Variants in TENM2 observed in about 807,000 individuals in gnomAD.
TENM2 encodes teneurin-2.
TENM2 carries 52 observed loss-of-function variants against 245.2 expected under a neutral mutation model. The observed-to-expected ratio is 0.21, with a 90% CI of 0.17 to 0.27. The LOEUF (loss-of-function observed/expected upper bound fraction) is 0.27. Ranked by LOEUF, TENM2 falls within the 10% of genes least tolerant of loss-of-function variation. The pLI is 1.00. For missense variants in TENM2, 3,046 were observed against 3,666.8 expected, an observed-to-expected ratio of 0.83 and a Z score of 4.37; for synonymous variants, 1,363 against 1,438.9, an observed-to-expected ratio of 0.95 and a Z score of 1.19.
At chr5:167,841,142 C>T (rs544047028) in intron 2 of TENM2, among the ~76,000 whole-genome samples, 1 of 152,132 alleles carries the variant, frequency 6.6e-6, no homozygotes, top group Admixed American at 6.5e-5. Flanking sequence ...CTGCAACCTC[C>T]ATCTCCCAGG....
chr5:167,969,789 C>T (rs1781639136), intron 4 of TENM2, among the ~76,000 whole-genome samples: 1 of 152,160 alleles, frequency 6.6e-6, no homozygotes, highest in South Asian at 2.1e-4. Context: ...AACAACACTC[C>T]CTTGATTGAG....
intron 2 of TENM2, among the ~76,000 whole-genome samples, chr5:167,859,593 C>G (rs1771508634): frequency 8.9e-6 from 1 of 112,642 alleles, no homozygotes; most frequent in Admixed American, 7.9e-5. Context: ...GCCGCCCCGT[C>G]CGGGAGGGAG....
At chr5:167,691,348 A>AAAATAAGACCTGGAAC in intron 2 of TENM2, among the ~76,000 whole-genome samples, 1 of 152,172 alleles carries the variant, frequency 6.6e-6, no homozygotes, top group Admixed American at 6.5e-5. Flanking sequence ...TGAGTAGAAA[A>AAAATAAGACCTGGAAC]AAATAAGACC....
intron 2 of TENM2, among the ~76,000 whole-genome samples, chr5:167,731,428 G>C (rs1404940683): frequency 6.6e-6 from 1 of 151,972 alleles, no homozygotes; most frequent in East Asian, 1.9e-4. Flanking sequence ...ATCTAAACCA[G>C]GTCATTCTTT....
chr5:167,169,891 T>C, the TENM2 span, among the ~76,000 whole-genome samples: 1 of 152,190 alleles, frequency 6.6e-6, no homozygotes, highest in Non-Finnish European at 1.5e-5. Context: ...AAGTGATTTA[T>C]ATGTATCTGA....
intron 1 of TENM2, among the ~76,000 whole-genome samples, chr5:167,359,016 C>T (rs755234763): frequency 3.9e-5 from 6 of 152,144 alleles, no homozygotes; most frequent in African/African-American, 7.2e-5. Context: ...TCCATCCGGA[C>T]GGGCTGTAAT....
chr5:167,279,573 C>G, the TENM2 span, among the ~76,000 whole-genome samples: 1 of 137,152 alleles, frequency 7.3e-6, no homozygotes, highest in East Asian at 2.1e-4. Flanking sequence ...TTCCTTCTTT[C>G]TTCTGTTGTA....
At chr5:167,248,424 C>T in the TENM2 span, among the ~76,000 whole-genome samples, 1 of 152,142 alleles carries the variant, frequency 6.6e-6, no homozygotes, top group East Asian at 1.9e-4. Flanking sequence ...ACACAGATTG[C>T]AGGCCCCGCC....
Position 167,801,110 on chromosome 5 carries a change from ATATATATAT to A in TENM2, c.503-74875_503-74867del, listed in dbSNP as rs1375995508. Among the ~76,000 whole-genome samples, 449 of 62,456 alleles carry A rather than the reference ATATATATAT, an allele frequency of 7.2e-3. 1 individual carries two copies. Among genetic ancestry groups the A allele is most frequent in the East Asian group, 0.02 (34 of 1,662 alleles). 41.0% of individuals were successfully genotyped at this position (62,456 alleles called of 152,430 possible). On this transcript the variant is annotated intron_variant, in intron 2 of 28. Coordinates refer to ENST00000518659, the Ensembl canonical transcript of TENM2. ...TATTTGAAAAGAAAAAAAAAAAAAA[ATATATATAT>A]ATATATATATATATATATATATATA...
chr5:167,040,898 A>G, the TENM2 span, among the ~76,000 whole-genome samples: 1 of 152,196 alleles, frequency 6.6e-6, no homozygotes, highest in Non-Finnish European at 1.5e-5. Flanking sequence ...TTGTGTCTGT[A>G]TATCATAAGC....
chr5:167,778,360 A>G (rs188858494), intron 2 of TENM2, among the ~76,000 whole-genome samples: 1 of 152,336 alleles, frequency 6.6e-6, no homozygotes, highest in Admixed American at 6.5e-5. Flanking sequence ...GACAGCAACA[A>G]AAGTATTTTA....
intron 2 of TENM2, among the ~76,000 whole-genome samples, chr5:167,868,363 T>C (rs1278179276): frequency 6.6e-6 from 1 of 152,126 alleles, no homozygotes; most frequent in Non-Finnish European, 1.5e-5. Context: ...AATAGCTTTA[T>C]ATAAATACAT....
chr5:167,914,281 T>C (rs1351494788), intron 3 of TENM2, among the ~76,000 whole-genome samples: 3 of 152,228 alleles, frequency 2.0e-5, no homozygotes, highest in Non-Finnish European at 4.4e-5. Context: ...GTTTGATTTG[T>C]GCTAAAATCA....
chr5:167,698,692 T>TTTG (rs1757945663), intron 2 of TENM2, among the ~76,000 whole-genome samples: 1 of 135,172 alleles, frequency 7.4e-6, no homozygotes, highest in Non-Finnish European at 1.5e-5. Flanking sequence ...TTTTTTTTTT[T>TTTG]TTTTTTTTTG....
At chr5:167,852,659 G>A (rs910198162) in intron 2 of TENM2, among the ~76,000 whole-genome samples, 2 of 152,102 alleles carry the variant, frequency 1.3e-5, no homozygotes, top group African/African-American at 2.4e-5. Context: ...TTTTGCTTTC[G>A]TGTCTCTATG....
chr5:166,991,799 G>A, the TENM2 span, among the ~76,000 whole-genome samples: 1 of 152,186 alleles, frequency 6.6e-6, no homozygotes, highest in Non-Finnish European at 1.5e-5. Flanking sequence ...GTGGATTGCT[G>A]TGAATACAAT....
intron 1 of TENM2, among the ~76,000 whole-genome samples, chr5:167,305,134 A>G (rs1448398249): frequency 6.6e-6 from 1 of 152,130 alleles, no homozygotes; most frequent in Non-Finnish European, 1.5e-5. Flanking sequence ...CTACCAGGGT[A>G]GATTGGGAAG....
intron 2 of TENM2, among the ~76,000 whole-genome samples, chr5:167,694,935 T>C (rs1009450929): frequency 6.6e-6 from 1 of 152,246 alleles, no homozygotes; most frequent in Non-Finnish European, 1.5e-5. Flanking sequence ...ACTACTTCTG[T>C]TGACATTCCA....
At chr5:168,051,124 C>T (rs992925482) in intron 6 of TENM2, among the ~76,000 whole-genome samples, 1 of 152,134 alleles carries the variant, frequency 6.6e-6, no homozygotes, top group South Asian at 2.1e-4. Flanking sequence ...GGAAAGCATA[C>T]AAGAGATTTT....
Sources: allele counts gnomAD v4.1 joint callset (sites outside exome capture counted in the v4.1 genomes callset), GRCh38; gene constraint gnomAD v4.1.1; transcripts MANE v1.5; gene names NCBI Gene and HGNC (gene_info 2026-07-23, HGNC 2026-07-21).